The following PCDHGA4 variants were observed in gnomAD, a reference collection of about 807,000 sequenced individuals.
PCDHGA4 encodes the protein protocadherin gamma subfamily A, 4.
In PCDHGA4, 38 loss-of-function variants were observed where a neutral mutation model predicts 54.6. The ratio of observed to expected loss-of-function variants is 0.70; its 90% CI spans 0.54 to 0.91. The LOEUF is 0.91. Ranked by LOEUF, PCDHGA4 falls within the 40% of genes least tolerant of loss-of-function variation. PCDHGA4 has a pLI of 0.00. For missense variants in PCDHGA4, 1,298 were observed against 1,220.9 expected (o/e 1.06, Z -0.94); for synonymous variants, 511 against 512.9 (o/e 1.00, Z 0.05).
intron 1 of PCDHGA4, among the ~76,000 whole-genome samples, chr5:141,435,375 A>G (rs80179854): frequency 0.034 from 5,131 of 152,264 alleles, 102 homozygotes; most frequent in Middle Eastern, 0.088. Flanking sequence ...TTAAATATAC[A>G]ATATACCGTA....
intron 1 of PCDHGA4, among the ~76,000 whole-genome samples, chr5:141,461,804 C>A (rs559757409): frequency 1.4e-3 from 212 of 152,036 alleles, no homozygotes; most frequent in African/African-American, 5.0e-3. Context: ...CAGGTGCCCA[C>A]CACCACACCC....
At chr5:141,433,381 A>ATCTC (rs1561869478) in intron 1 of PCDHGA4, among the ~76,000 whole-genome samples, 1 of 151,148 alleles carries the variant, frequency 6.6e-6, no homozygotes, top group Admixed American at 6.6e-5. Flanking sequence ...CTATCTATCT[A>ATCTC]TCTATCTATC....
intron 1 of PCDHGA4, among the ~76,000 whole-genome samples, chr5:141,359,356 A>G (rs1412522225): frequency 1.3e-5 from 2 of 152,160 alleles, no homozygotes; most frequent in Non-Finnish European, 2.9e-5. Flanking sequence ...CATGTTTTAA[A>G]GGCCTAGGAA....
intron 1 of PCDHGA4, chr5:141,478,540 C>T (rs1221128622): frequency 6.2e-7 from 1 of 1,606,412 alleles, no homozygotes; most frequent in East Asian, 2.2e-5. Context: ...GCGCCCCTCC[C>T]GGACAGGTAA....
chr5:141,372,704 A>G lies in PCDHGA4; in HGVS notation c.2514+15083A>G, dbSNP rs1768986926. The G allele has an allele frequency of 5.6e-6, 9 of 1,613,992 alleles. 1 individual carries two copies. The South Asian group carries it at 8.8e-5, about 16-fold the overall frequency. ...ACACCGAGTTTAAATTTCTCAATAT[A>G]AAGGCTGAAAATGCTGCACCACAAG... is the stretch of plus-strand genomic sequence containing the variant. On this transcript the variant is annotated intron_variant, in intron 1 of 3. Coordinates refer to ENST00000571252, the MANE Select transcript of PCDHGA4 (RefSeq NM_018917.4).
At chr5:141,376,617 G>A (rs1235600949) in intron 1 of PCDHGA4, 24 of 1,406,610 alleles carry the variant, frequency 1.7e-5, no homozygotes, top group Non-Finnish European at 2.2e-5. Context: ...ACCTCTTTTG[G>A]TACAGGAAGA....
intron 1 of PCDHGA4, among the ~76,000 whole-genome samples, chr5:141,407,336 G>A (rs1005803062): frequency 6.6e-6 from 1 of 152,240 alleles, no homozygotes; most frequent in Admixed American, 6.5e-5. Flanking sequence ...ATATTGAAAT[G>A]TATGTTAATT....
intron 1 of PCDHGA4, among the ~76,000 whole-genome samples, chr5:141,484,389 G>A (rs1336850919): frequency 6.6e-6 from 1 of 152,140 alleles, no homozygotes; most frequent in Non-Finnish European, 1.5e-5. Flanking sequence ...GAATAAGAAA[G>A]GTTTGGTTTC....
chr5:141,402,901 T>TG, intron 1 of PCDHGA4: 1 of 1,520,230 alleles, frequency 6.6e-7, no homozygotes, highest in Non-Finnish European at 8.8e-7. Context: ...AAGAACCTGA[T>TG]GAAGCAGCGC....
Position 141,485,151 on chromosome 5 carries a change from T to C in PCDHGA4, c.2515-9656T>C, listed in dbSNP as rs1191585056. 1.0e-5 allele frequency: 16 copies of C among 1,584,876 alleles called. No homozygotes were observed. Among genetic ancestry groups the C allele is most frequent in the Non-Finnish European group, 1.3e-5 (15 of 1,156,528 alleles). On this transcript the variant is annotated intron_variant, in intron 1 of 3. Coordinates refer to ENST00000571252, the MANE Select transcript of PCDHGA4 (RefSeq NM_018917.4). This position sits in a 1 kb window ranked among gnomAD's most constrained non-coding sequence, Gnocchi z 5.7. ...GCTTCATCCGCGTCTCAGGAGCAAG[T>C]AGAGAATTAGCGGGCGGCAGCAATG...
intron 1 of PCDHGA4, among the ~76,000 whole-genome samples, chr5:141,401,064 C>T (rs146303449): frequency 1.3e-5 from 2 of 152,226 alleles, no homozygotes; most frequent in East Asian, 3.9e-4. Flanking sequence ...TATATGTTGG[C>T]TGGGTGCAGT....
At chr5:141,438,589 TAC>T (rs72335471) in intron 1 of PCDHGA4, among the ~76,000 whole-genome samples, 19,881 of 66,350 alleles carry the variant, frequency 0.3, 2,903 homozygotes, top group Admixed American at 0.41. Context: ...CATACATACA[TAC>T]ATATATATAT....
Position 141,491,826 on chromosome 5 carries a change from C to A in PCDHGA4, c.2515-2981C>A. 1 of 1,477,526 alleles carries A rather than the reference C, an allele frequency of 6.8e-7. No homozygotes were observed. The highest frequency in any genetic ancestry group is 9.0e-7 in the Non-Finnish European group (1 of 1,114,486). The allele number at this position is 1,477,526 out of a possible 1,614,324, so 91.5% of individuals were successfully genotyped here. A position where few individuals can be genotyped will look rare whatever the true frequency, so the allele number is the denominator to read the frequency against. ...GGCTTGGTCGCTGGCTGCGCTCCAC[C>A]CGATTCTCGGGATCATTGGACCGTT... On this transcript the variant is annotated intron_variant, in intron 1 of 3. Transcript: ENST00000571252. The surrounding 1 kb of genome is among the most constrained non-coding windows in gnomAD (Gnocchi z 6.9).
intron 1 of PCDHGA4, among the ~76,000 whole-genome samples, chr5:141,482,274 G>A (rs1219523359): frequency 6.6e-6 from 1 of 152,094 alleles, no homozygotes; most frequent in Non-Finnish European, 1.5e-5. Flanking sequence ...TTTAGCTTAG[G>A]TAAGTCTTTT....
Position 141,511,159 on chromosome 5 carries a change from AAGG to A in PCDHGA4, c.2878_2880del (p.Glu960del), listed in dbSNP as rs1477173987. 3 of 1,614,186 alleles carry A rather than the reference AAGG, an allele frequency of 1.9e-6. No individual in the cohort carries two copies. The highest frequency in any genetic ancestry group is 2.2e-5 in the East Asian group (1 of 44,872). On this transcript the variant is annotated inframe_deletion, in exon 4 of 4. Coordinates refer to ENST00000571252, the MANE Select transcript of PCDHGA4 (RefSeq NM_018917.4). ...TGGCAACAAGAAGAAGTCGGGCAAG[AAGG>A]AGAAGAAGTAACATGGAGGCCAGGC... is the stretch of plus-strand genomic sequence containing the variant.
chr5:141,431,617 C>A lies in PCDHGA4; in HGVS notation c.2515-63190C>A. ...GGTATTCCTTCCGGTATGTGGACGA[C>A]AAGGCGGCCCAAGTTTTCAAACTAG... On this transcript the variant is annotated intron_variant, in intron 1 of 3. Coordinates refer to ENST00000571252, the MANE Select transcript of PCDHGA4 (RefSeq NM_018917.4). This position sits in a 1 kb window ranked among gnomAD's most constrained non-coding sequence, Gnocchi z 4.8. 6.2e-7 allele frequency: 1 copy of A among 1,614,236 alleles called. No homozygotes were observed. Among genetic ancestry groups the A allele is most frequent in the Non-Finnish European group, 8.5e-7 (1 of 1,180,044 alleles).
intron 2 of PCDHGA4, among the ~76,000 whole-genome samples, chr5:141,503,398 C>A (rs1374324008): frequency 6.6e-6 from 1 of 151,784 alleles, no homozygotes; most frequent in African/African-American, 2.4e-5. Flanking sequence ...AGTTCGAAAC[C>A]AACCTGGCCA....
chr5:141,355,289 A>G lies in PCDHGA4; in HGVS notation c.182A>G (p.Gln61Arg), dbSNP rs1759786775. The G allele has an allele frequency of 6.2e-7, 1 of 1,613,744 alleles. No homozygotes were observed. ...GTTCTGGTGGAAATCAGGGCCGAACAGATTCTCTACTCGGTGTTTGAGGAG... is the reference window on the plus strand; with the variant it reads ...GTTCTGGTGGAAATCAGGGCCGAACGGATTCTCTACTCGGTGTTTGAGGAG... ...LGVLVEIRAE[Q>R]ILYSVFEEQE... The change falls in exon 1 of 4, where the codon CAG (glutamine) becomes CGG (arginine). Residue 61 changes from glutamine to arginine, a missense_variant. Coordinates refer to ENST00000571252, the MANE Select transcript of PCDHGA4 (RefSeq NM_018917.4).
intron 1 of PCDHGA4, among the ~76,000 whole-genome samples, chr5:141,462,068 C>T (rs1006462521): frequency 6.6e-6 from 1 of 152,196 alleles, no homozygotes; most frequent in African/African-American, 2.4e-5. Context: ...GGTGATCTGC[C>T]CGCCTTGGCC....
Sources: allele counts gnomAD v4.1 joint callset (sites outside exome capture counted in the v4.1 genomes callset), GRCh38; gene constraint gnomAD v4.1.1; non-coding constraint Gnocchi (gnomAD v3.1); transcripts MANE v1.5; gene names NCBI Gene and HGNC (gene_info 2026-07-23, HGNC 2026-07-21).